Variants in TAFA4 observed in about 807,000 individuals in gnomAD.
TAFA4 encodes chemokine-like protein TAFA-4.
In TAFA4, 20 loss-of-function variants were observed where a neutral mutation model predicts 21.1. The ratio of observed to expected loss-of-function variants is 0.95; its 90% CI spans 0.67 to 1.38. The LOEUF (loss-of-function observed/expected upper bound fraction) is 1.38, where lower values mean the gene tolerates loss of function less well. TAFA4 is among the 40% of genes most tolerant of loss of function. The pLI is 0.00. For synonymous variants in TAFA4, 71 were observed against 67.4 expected, an observed-to-expected ratio of 1.05 and a Z score of -0.26; for missense variants, 211 against 180.9, an observed-to-expected ratio of 1.17 and a Z score of -0.95.
chr3:68,774,792 A>T (rs1703020285), intron 3 of TAFA4, among the ~76,000 whole-genome samples: 2 of 152,212 alleles, frequency 1.3e-5, no homozygotes, highest in Admixed American at 1.3e-4. Context: ...AGCCCTTTCT[A>T]ATCAAAACAT....
At chr3:68,824,923 T>C (rs1199403862) in intron 3 of TAFA4, among the ~76,000 whole-genome samples, 1 of 152,190 alleles carries the variant, frequency 6.6e-6, no homozygotes, top group Non-Finnish European at 1.5e-5. Flanking sequence ...CGCTGTCCGA[T>C]GCTTGCTTGG....
chr3:68,901,562 A>G (rs985834048), intron 1 of TAFA4, among the ~76,000 whole-genome samples: 4 of 152,196 alleles, frequency 2.6e-5, no homozygotes, highest in Non-Finnish European at 5.9e-5. Context: ...AAATTTAACT[A>G]GGTAAAATTT....
intron 3 of TAFA4, among the ~76,000 whole-genome samples, chr3:68,768,047 A>C (rs1331781584): frequency 6.6e-6 from 1 of 152,170 alleles, no homozygotes; most frequent in African/African-American, 2.4e-5. Flanking sequence ...ATACTGACTA[A>C]CAATTGTTAA....
chr3:68,866,651 T>TAAAAAAAAAAAAAAAAAAAAAA (rs59878536), intron 3 of TAFA4, among the ~76,000 whole-genome samples: 1 of 12,396 alleles, frequency 8.1e-5, no homozygotes, highest in Non-Finnish European at 1.2e-4. Flanking sequence ...ATAGCAGTTC[T>TAAAAAAAAAAAAAAAAAAAAAA]AAAAAAAAAA....
intron 5 of TAFA4, among the ~76,000 whole-genome samples, chr3:68,736,715 C>T (rs773250738): frequency 6.6e-6 from 1 of 152,092 alleles, no homozygotes; most frequent in Admixed American, 6.6e-5. Context: ...GAAAAAGATA[C>T]TACTGGAAGC....
chr3:68,914,271 T>C (rs531527286), intron 1 of TAFA4, among the ~76,000 whole-genome samples: 3 of 152,306 alleles, frequency 2.0e-5, no homozygotes, highest in East Asian at 3.9e-4. Flanking sequence ...TATATTTCCA[T>C]TTATAAGAAG....
intron 3 of TAFA4, among the ~76,000 whole-genome samples, chr3:68,818,753 C>G (rs1442266145): frequency 1.3e-5 from 2 of 152,168 alleles, no homozygotes; most frequent in African/African-American, 4.8e-5. Context: ...ACCATCTTAC[C>G]TGGGCACAGT....
intron 3 of TAFA4, among the ~76,000 whole-genome samples, chr3:68,759,119 A>T (rs140396887): frequency 1.3e-5 from 2 of 152,308 alleles, no homozygotes; most frequent in East Asian, 3.9e-4. Context: ...AGGCAGGAAA[A>T]GACTTATATC....
chr3:68,837,100 C>T (rs919400644), intron 3 of TAFA4, among the ~76,000 whole-genome samples: 1 of 152,216 alleles, frequency 6.6e-6, no homozygotes, highest in Non-Finnish European at 1.5e-5. Flanking sequence ...TTTCGCACTA[C>T]AGTGGCAGAG....
chr3:68,895,256 C>T (rs1008845164), intron 1 of TAFA4, among the ~76,000 whole-genome samples: 1 of 152,196 alleles, frequency 6.6e-6, no homozygotes, highest in East Asian at 1.9e-4. Context: ...CCTCAGCCTC[C>T]AAAAGTGCTG....
At chr3:68,927,483 T>C (rs1306738752) in intron 1 of TAFA4, among the ~76,000 whole-genome samples, 2 of 152,246 alleles carry the variant, frequency 1.3e-5, no homozygotes. Context: ...TGTAGAATGT[T>C]CTATTGCTTT....
intron 3 of TAFA4, among the ~76,000 whole-genome samples, chr3:68,878,061 C>T (rs1277118113): frequency 6.6e-6 from 1 of 152,150 alleles, no homozygotes; most frequent in Admixed American, 6.5e-5. Context: ...ACTTTAGACC[C>T]CCCAACATTT....
Position 68,739,048 on chromosome 3 carries a change from TTGTAGTTGCA to T in TAFA4, c.411+17_411+26del. On this transcript the variant is annotated intron_variant, in intron 5 of 5. Coordinates refer to ENST00000295569, the MANE Select transcript of TAFA4 (RefSeq NM_182522.5). ...AGCCCCACAGTTGATAACTTGTAAA[TTGTAGTTGCA>T]TTTTGTCTATACTTGCCTTCGTAGT... is the stretch of plus-strand genomic sequence containing the variant. 1 of 1,611,058 alleles carries T rather than the reference TTGTAGTTGCA, an allele frequency of 6.2e-7. No individual in the cohort carries two copies. The highest frequency in any genetic ancestry group is 2.2e-5 in the East Asian group (1 of 44,838).
At chr3:68,862,484 A>C (rs2089357431) in intron 3 of TAFA4, among the ~76,000 whole-genome samples, 1 of 152,110 alleles carries the variant, frequency 6.6e-6, no homozygotes, top group East Asian at 1.9e-4. Context: ...TTTTTAGCCT[A>C]ATTAACCTGC....
At chr3:68,892,301 T>A (rs1423988702) in intron 1 of TAFA4, among the ~76,000 whole-genome samples, 1 of 152,226 alleles carries the variant, frequency 6.6e-6, no homozygotes, top group Non-Finnish European at 1.5e-5. Context: ...TAAAGTATGT[T>A]GTAAATGAGC....
At chr3:68,923,679 G>C (rs2090080533) in intron 1 of TAFA4, among the ~76,000 whole-genome samples, 1 of 152,000 alleles carries the variant, frequency 6.6e-6, no homozygotes, top group African/African-American at 2.4e-5. Context: ...CTGACCTACA[G>C]GAACTCCAGA....
At chr3:68,753,340 T>TTTG (rs1553715542) in intron 3 of TAFA4, among the ~76,000 whole-genome samples, 2 of 148,176 alleles carry the variant, frequency 1.3e-5, no homozygotes, top group Non-Finnish European at 3.0e-5. Flanking sequence ...TAGAGTTTTT[T>TTTG]TTTTTTTTTT....
intron 3 of TAFA4, among the ~76,000 whole-genome samples, chr3:68,774,163 G>A (rs1439810101): frequency 1.3e-5 from 2 of 152,080 alleles, no homozygotes; most frequent in Non-Finnish European, 2.9e-5. Context: ...GGTAGCCTCT[G>A]GAAGTAGTTT....
intron 3 of TAFA4, among the ~76,000 whole-genome samples, chr3:68,868,254 C>A (rs958406144): frequency 2.6e-5 from 4 of 151,928 alleles, no homozygotes; most frequent in African/African-American, 9.7e-5. Context: ...CAAAGAGGTT[C>A]ACTATATAAC....
Sources: gnomAD v4.1 joint callset for allele counts (sites outside exome capture counted in the v4.1 genomes callset) on GRCh38, gnomAD v4.1.1 for gene constraint, MANE v1.5 for transcripts, NCBI Gene and HGNC (gene_info 2026-07-23, HGNC 2026-07-21) for gene names.